GARNL3: variants seen among roughly 807,000 people sequenced by gnomAD.
GARNL3 encodes the protein GTPase-activating Rap/Ran-GAP domain-like protein 3.
Under a neutral mutation model 125.0 loss-of-function variants are expected in GARNL3, and 63 were observed. The ratio of observed to expected loss-of-function variants is 0.50; its 90% CI spans 0.41 to 0.62. The LOEUF is 0.62. GARNL3 is among the 20% of genes least tolerant of loss of function. The probability of loss-of-function intolerance (pLI) is 0.00; values close to 1 mark genes in which losing one functional copy is unlikely to be tolerated. For missense variants in GARNL3, 994 were observed against 1,244.0 expected (o/e 0.80, Z 3.02); for synonymous variants, 439 against 457.5 (o/e 0.96, Z 0.52).
upstream of GARNL3, among the ~76,000 whole-genome samples, chr9:127,261,880 G>A (rs749352387): frequency 1.2e-4 from 18 of 152,074 alleles, no homozygotes; most frequent in Non-Finnish European, 1.9e-4. Context: ...TGCTTGAAAC[G>A]CCTCCAATTC....
At chr9:127,291,111 A>G in intron 1 of GARNL3, 57 bp from the exon 2 acceptor site, 1 of 1,544,118 alleles carries the variant, frequency 6.5e-7, no homozygotes, top group Non-Finnish European at 9.0e-7. Flanking sequence ...GGATAATTAC[A>G]TACAGATAGA....
At chr9:127,381,864 C>T (rs1832281361) in intron 22 of GARNL3, among the ~76,000 whole-genome samples, 1 of 152,002 alleles carries the variant, frequency 6.6e-6, no homozygotes, top group African/African-American at 2.4e-5. Context: ...CTGGGACTCA[C>T]AAAGTGCCAG....
chr9:127,272,038 A>C (rs1208552472), intron 1 of GARNL3, among the ~76,000 whole-genome samples: 1 of 150,424 alleles, frequency 6.6e-6, no homozygotes, highest in Non-Finnish European at 1.5e-5. Context: ...TCTAATAACT[A>C]TCAAAAGAAC....
At chr9:127,361,526 G>A (rs1053719791) in intron 21 of GARNL3, among the ~76,000 whole-genome samples, 1 of 152,190 alleles carries the variant, frequency 6.6e-6, no homozygotes, top group South Asian at 2.1e-4. Context: ...GTCCCAAGGT[G>A]GAGACAGACA....
At chr9:127,345,099 A>T (rs1316633155) in intron 15 of GARNL3, among the ~76,000 whole-genome samples, 1 of 152,024 alleles carries the variant, frequency 6.6e-6, no homozygotes, top group East Asian at 1.9e-4. Flanking sequence ...ATTCTGATTC[A>T]TCAAGTTTGA....
chr9:127,279,561 T>C (rs1418577501), intron 1 of GARNL3, among the ~76,000 whole-genome samples: 1 of 152,246 alleles, frequency 6.6e-6, no homozygotes, highest in Non-Finnish European at 1.5e-5. Flanking sequence ...TTGCATTTTT[T>C]CATCCTTTTT....
At chr9:127,231,618 C>T (rs907286148) in intron 1 of GARNL3, among the ~76,000 whole-genome samples, 1 of 152,190 alleles carries the variant, frequency 6.6e-6, no homozygotes, top group African/African-American at 2.4e-5. Context: ...GAACTTTAGA[C>T]ATCACCTAGG....
intron 15 of GARNL3, among the ~76,000 whole-genome samples, chr9:127,344,893 C>A (rs1830057016): frequency 6.6e-6 from 1 of 152,178 alleles, no homozygotes; most frequent in Non-Finnish European, 1.5e-5. Context: ...GGAGGCGACA[C>A]AGCTGTCTGC....
At chr9:127,276,998 G>A (rs565723420) in intron 1 of GARNL3, among the ~76,000 whole-genome samples, 3 of 152,198 alleles carry the variant, frequency 2.0e-5, no homozygotes, top group Non-Finnish European at 4.4e-5. Context: ...AAGTTGTAGG[G>A]GGTGTCCCCC....
intron 2 of GARNL3, among the ~76,000 whole-genome samples, chr9:127,256,572 G>T (rs2131228599): frequency 6.6e-6 from 1 of 152,300 alleles, no homozygotes; most frequent in Non-Finnish European, 1.5e-5. Flanking sequence ...CATATCTCAG[G>T]TTCAGCACCT....
At chr9:127,382,668 T>TG (rs1410215791) in intron 22 of GARNL3, among the ~76,000 whole-genome samples, 1 of 152,132 alleles carries the variant, frequency 6.6e-6, no homozygotes, top group African/African-American at 2.4e-5. Flanking sequence ...CTGTAATAAA[T>TG]GGGGCCTTTG....
chr9:127,338,209 T>G, intron 12 of GARNL3, 48 bp downstream of exon 12: 2 of 1,361,166 alleles, frequency 1.5e-6, no homozygotes, highest in Non-Finnish European at 2.1e-6. Context: ...CTCATGCTTG[T>G]TAATTTAGCA....
chr9:127,372,895 A>G (rs189449711), intron 22 of GARNL3, among the ~76,000 whole-genome samples: 3 of 152,310 alleles, frequency 2.0e-5, no homozygotes, highest in Admixed American at 2.0e-4. Context: ...TCAGGGGTGG[A>G]CTCCAGAAGA....
At chr9:127,254,624 C>T (rs1294483279) in intron 2 of GARNL3, among the ~76,000 whole-genome samples, 1 of 152,012 alleles carries the variant, frequency 6.6e-6, no homozygotes, top group African/African-American at 2.4e-5. Flanking sequence ...CAAAAATTAA[C>T]CAGATGTGGT....
intron 22 of GARNL3, among the ~76,000 whole-genome samples, chr9:127,381,444 T>C (rs1471093834): frequency 6.6e-6 from 1 of 152,170 alleles, no homozygotes; most frequent in Non-Finnish European, 1.5e-5. Flanking sequence ...TAAAATGCAT[T>C]AGCAGAATCC....
At chr9:127,351,885 A>G (rs554945778) in intron 17 of GARNL3, among the ~76,000 whole-genome samples, 19 of 152,352 alleles carry the variant, frequency 1.2e-4, no homozygotes, top group Admixed American at 1.0e-3. Context: ...ATTGTCATCA[A>G]TCAGTCATTA....
intron 20 of GARNL3, among the ~76,000 whole-genome samples, 178 bp from the exon 21 acceptor site, chr9:127,357,041 A>C (rs1830723501): frequency 6.6e-6 from 1 of 152,242 alleles, no homozygotes; most frequent in Non-Finnish European, 1.5e-5. Flanking sequence ...TATGGGAAGG[A>C]GATGTCGGAT....
At chr9:127,292,642 G>T (rs115805157) in intron 2 of GARNL3, among the ~76,000 whole-genome samples, 66 of 152,308 alleles carry the variant, frequency 4.3e-4, no homozygotes, top group African/African-American at 1.4e-3. Flanking sequence ...GGCCCCTGCC[G>T]CATCCAGTGT....
rs193175188 is a variant in GARNL3 at position 127,274,106 on chromosome 9, A to G, written c.144+9085A>G. Among the ~76,000 whole-genome samples, 755 of 152,334 alleles carry G rather than the reference A, an allele frequency of 5.0e-3. 3 individuals carry two copies. The highest frequency in any genetic ancestry group is 7.9e-3 in the Non-Finnish European group (537 of 68,028). On this transcript the variant is annotated intron_variant, in intron 1 of 27. Coordinates refer to ENST00000373387, the MANE Select transcript of GARNL3 (RefSeq NM_032293.5). The stretch of plus-strand genomic sequence containing the variant: ...AGCATAAATATAAAAGTATTTCTGT[A>G]TCTAGCCGTTAACAGCATAATCCTT...
Sources: allele counts gnomAD v4.1 joint callset (sites outside exome capture counted in the v4.1 genomes callset), GRCh38; gene constraint gnomAD v4.1.1; transcripts MANE v1.5; gene names NCBI Gene and HGNC (gene_info 2026-07-23, HGNC 2026-07-21).